ST7: variants seen among roughly 807,000 people sequenced by gnomAD.
The protein encoded by ST7 is suppression of tumorigenicity 7.
A neutral mutation model predicts 78.7 loss-of-function variants in ST7; 28 were observed. That is an observed-to-expected ratio of 0.36 (90% CI 0.26 to 0.49). ST7 has a LOEUF of 0.49. Ranked by LOEUF, ST7 falls within the 20% of genes least tolerant of loss-of-function variation. ST7 has a pLI of 0.99. For synonymous variants in ST7, 247 were observed against 249.6 expected, an observed-to-expected ratio of 0.99 and a Z score of 0.10; for missense variants, 418 against 696.0, an observed-to-expected ratio of 0.60 and a Z score of 4.49.
intron 9 of ST7, among the ~76,000 whole-genome samples, chr7:117,164,814 C>T (rs1396882334): frequency 8.0e-6 from 1 of 124,732 alleles, no homozygotes; most frequent in Non-Finnish European, 1.6e-5. Flanking sequence ...ACTAACTTGG[C>T]TGAATCACTT....
chr7:117,225,702 C>A (rs1243930546), intron 15 of ST7, among the ~76,000 whole-genome samples: 1 of 152,148 alleles, frequency 6.6e-6, no homozygotes, highest in Non-Finnish European at 1.5e-5. Context: ...GAGATAATGT[C>A]CCTGGGACAA....
chr7:116,986,080 A>C (rs1022145111), intron 1 of ST7, among the ~76,000 whole-genome samples: 2 of 152,190 alleles, frequency 1.3e-5, no homozygotes, highest in Non-Finnish European at 2.9e-5. Context: ...TGATCTACCC[A>C]CCTTGGCCTC....
rs771920187 is a variant in ST7, at chr7:116,959,112, G to A, written c.151+5421G>A. On this transcript the variant is annotated intron_variant, in intron 1 of 15. Transcript: ENST00000323984. Reference sequence around the variant, plus strand: ...ATCACCCTGCCACGGCTTTATCAATGAAGTTTATGTAATATTCTAAATCCT... The same window carrying A: ...ATCACCCTGCCACGGCTTTATCAATAAAGTTTATGTAATATTCTAAATCCT... 1.3e-5 allele frequency: 6 copies of A among 452,898 alleles called. 1 individual carries two copies. Among genetic ancestry groups the A allele is most frequent in the South Asian group, 9.5e-5 (6 of 62,920 alleles). 28.1% of individuals were successfully genotyped at this position (452,898 alleles called of 1,614,324 possible). A position where few individuals can be genotyped will look rare whatever the true frequency, so the allele number is the denominator to read the frequency against.
intron 15 of ST7, chr7:117,223,301 A>G: frequency 3.4e-6 from 1 of 298,250 alleles, no homozygotes; most frequent in Non-Finnish European, 6.3e-6. Flanking sequence ...CTTATCCTCC[A>G]CCGTCTTTCT....
intron 3 of ST7, among the ~76,000 whole-genome samples, chr7:117,128,870 T>C (rs1377867011): frequency 1.3e-5 from 2 of 151,902 alleles, no homozygotes; most frequent in African/African-American, 4.8e-5. Flanking sequence ...ACATATGTTG[T>C]TGGATGTGGT....
At chr7:117,163,638 ATTGT>A (rs1196266508) in intron 9 of ST7, among the ~76,000 whole-genome samples, 5 of 151,572 alleles carry the variant, frequency 3.3e-5, no homozygotes, top group Non-Finnish European at 7.4e-5. Context: ...TTTTAATTGG[ATTGT>A]TTGTTGTTTT....
At chr7:117,131,663 T>C (rs1469759026) in intron 5 of ST7, among the ~76,000 whole-genome samples, 1 of 151,916 alleles carries the variant, frequency 6.6e-6, no homozygotes, top group Non-Finnish European at 1.5e-5. Flanking sequence ...CCTTAGCCTG[T>C]AGTTTTGTGA....
chr7:117,101,949 C>T (rs1198404822), intron 2 of ST7, among the ~76,000 whole-genome samples: 3 of 152,200 alleles, frequency 2.0e-5, no homozygotes, highest in South Asian at 4.2e-4. Context: ...AAGGTATATG[C>T]GATAATTTAT....
intron 2 of ST7, chr7:117,118,219 T>G (rs1466556562): frequency 6.5e-6 from 1 of 153,280 alleles, no homozygotes; most frequent in African/African-American, 2.4e-5. Flanking sequence ...ATTTTGGATT[T>G]TTGGATTAGG....
chr7:117,199,760 C>T (rs556938997), intron 12 of ST7, among the ~76,000 whole-genome samples: 2 of 152,332 alleles, frequency 1.3e-5, no homozygotes, highest in Admixed American at 6.5e-5. Context: ...CAGACCGGGC[C>T]GTGCCCCTAT....
At chr7:117,213,156 A>G (rs1368204604) in intron 13 of ST7, among the ~76,000 whole-genome samples, 1 of 152,248 alleles carries the variant, frequency 6.6e-6, no homozygotes, top group Non-Finnish European at 1.5e-5. Context: ...AAGCCTGTGC[A>G]GGAGCAAAGG....
intron 1 of ST7, among the ~76,000 whole-genome samples, chr7:117,025,565 T>TGTAAAAGAAAATGTAAA (rs1796143326): frequency 3.3e-5 from 5 of 152,146 alleles, no homozygotes; most frequent in Admixed American, 2.6e-4. Flanking sequence ...AGTCTGCACT[T>TGTAAAAGAAAATGTAAA]AGAGCATTGA....
chr7:117,116,679 T>C (rs545638006), intron 2 of ST7, among the ~76,000 whole-genome samples: 4 of 152,308 alleles, frequency 2.6e-5, no homozygotes, highest in African/African-American at 7.2e-5. Flanking sequence ...TTTATACTTA[T>C]GTTCTCTGTA....
At chr7:117,124,776 C>T (rs1803688792) in intron 3 of ST7, among the ~76,000 whole-genome samples, 1 of 152,092 alleles carries the variant, frequency 6.6e-6, no homozygotes, top group African/African-American at 2.4e-5. Context: ...TGCATAAAGT[C>T]ATTTCAGCAT....
At chr7:117,123,471 A>C (rs1035427128) in intron 3 of ST7, among the ~76,000 whole-genome samples, 5 of 152,120 alleles carry the variant, frequency 3.3e-5, no homozygotes, top group Non-Finnish European at 7.4e-5. Context: ...GCCAGTGGAG[A>C]AATGTAGTTA....
intron 1 of ST7, among the ~76,000 whole-genome samples, chr7:116,990,237 G>T (rs1363417859): frequency 6.6e-6 from 1 of 152,122 alleles, no homozygotes; most frequent in East Asian, 1.9e-4. Flanking sequence ...CGCCCGGCCG[G>T]TGATTAACCT....
chr7:116,954,750 A>C (rs189123195), intron 1 of ST7: 1 of 177,710 alleles, frequency 5.6e-6, no homozygotes, highest in African/African-American at 2.4e-5. Context: ...TCCTGAAGAT[A>C]TATACATATG....
intron 2 of ST7, among the ~76,000 whole-genome samples, chr7:117,119,333 C>T (rs570787834): frequency 2.6e-5 from 4 of 152,062 alleles, no homozygotes; most frequent in African/African-American, 9.6e-5. Flanking sequence ...TTCTTTTATC[C>T]ATGATTGATG....
At chr7:116,976,547 A>G (rs1002325709) in intron 1 of ST7, among the ~76,000 whole-genome samples, 2 of 152,192 alleles carry the variant, frequency 1.3e-5, no homozygotes, top group African/African-American at 4.8e-5. Flanking sequence ...CCAAGTGGAA[A>G]TATGTAAAAC....
Sources: gnomAD v4.1 joint callset for allele counts (sites outside exome capture counted in the v4.1 genomes callset) on GRCh38, gnomAD v4.1.1 for gene constraint, MANE v1.5 for transcripts, NCBI Gene and HGNC (gene_info 2026-07-23, HGNC 2026-07-21) for gene names.